KCNQ1: variants seen among roughly 807,000 people sequenced by gnomAD.
KCNQ1 encodes potassium voltage-gated channel subfamily Q member 1, also known as potassium voltage-gated channel subfamily KQT member 1.
Under a neutral mutation model 72.4 loss-of-function variants are expected in KCNQ1, and 49 were observed. The observed-to-expected ratio is 0.68, with a 90% confidence interval of 0.54 to 0.86. KCNQ1 has a LOEUF of 0.86. Ranked by LOEUF, KCNQ1 falls within the 40% of genes least tolerant of loss-of-function variation. KCNQ1 has a pLI of 0.00. For missense variants in KCNQ1, 790 were observed against 945.1 expected (o/e 0.84, Z 2.15); for synonymous variants, 450 against 412.6 (o/e 1.09, Z -1.10).
rs771508600 is a variant in KCNQ1, at chr11:2,827,002, G to A, written c.1795-20765G>A. On this transcript the variant is annotated intron_variant, in intron 15 of 15. Coordinates refer to ENST00000155840, the MANE Select transcript of KCNQ1 (RefSeq NM_000218.3). This position sits in a 1 kb window ranked among gnomAD's most constrained non-coding sequence, Gnocchi z 6.7. ...GGAGCAGTCCTCTAAGGAGTTTGGAGTCATTTTCAGTCACTCACAAGCCAC... is the reference window on the plus strand; with the variant it reads ...GGAGCAGTCCTCTAAGGAGTTTGGAATCATTTTCAGTCACTCACAAGCCAC... Among the ~76,000 whole-genome samples the A allele has an allele frequency of 6.6e-6, 1 of 152,182 alleles. No homozygotes were observed. Among genetic ancestry groups the A allele is most frequent in the African/African-American group, 2.4e-5 (1 of 41,436 alleles).
rs886429031 is a variant in KCNQ1 at position 2,803,413 on chromosome 11, C to T, written c.1794+25376C>T. ...GGTGTGTGTAGAATGATATTCCCTC[C>T]AGACCACGGTGCCTTCTGGGCTCTG... On this transcript the variant is annotated intron_variant, in intron 15 of 15. Coordinates refer to ENST00000155840, the MANE Select transcript of KCNQ1 (RefSeq NM_000218.3). The surrounding 1 kb of genome is among the most constrained non-coding windows in gnomAD (Gnocchi z 6.4). 6.6e-6 allele frequency among the ~76,000 whole-genome samples: 1 copy of T among 152,180 alleles called. No individual in the cohort carries two copies. The highest frequency in any genetic ancestry group is 2.4e-5 in the African/African-American group (1 of 41,434).
At chr11:2,732,944 C>G (rs575386946) in intron 11 of KCNQ1, among the ~76,000 whole-genome samples, 2 of 152,086 alleles carry the variant, frequency 1.3e-5, no homozygotes, top group African/African-American at 4.8e-5. Flanking sequence ...CCCAGAAACT[C>G]GAGGCTCCTG....
rs78483346 is a variant in KCNQ1, at chr11:2,569,417, G to A, written c.478-1211G>A. Among the ~76,000 whole-genome samples the A allele has an allele frequency of 8.8e-3, 1,342 of 152,340 alleles. 27 individuals carry two copies. The highest frequency in any genetic ancestry group is 0.03 in the African/African-American group (1,260 of 41,594). On this transcript the variant is annotated intron_variant, in intron 2 of 15. Transcript: ENST00000155840. ...ACATTTGGGAGCCAGCGATGGCAGTGTCCAGCTGACTGCTCATAGTGGACT... is the reference window on the plus strand; with the variant it reads ...ACATTTGGGAGCCAGCGATGGCAGTATCCAGCTGACTGCTCATAGTGGACT...
chr11:2,526,242 C>T lies in KCNQ1; in HGVS notation c.387-1686C>T, dbSNP rs965650970. Among the ~76,000 whole-genome samples the T allele has an allele frequency of 1.3e-5, 2 of 151,612 alleles. No homozygotes were observed. Among genetic ancestry groups the T allele is most frequent in the Non-Finnish European group, 2.9e-5 (2 of 67,852 alleles). The stretch of plus-strand genomic sequence containing the variant: ...GGCTGGGTGTGTGGGCTGGGGGCGC[C>T]GAGGGTGGAGGTGGGCACTGTGGTC... On this transcript the variant is annotated intron_variant, in intron 1 of 15. Transcript: ENST00000155840. The surrounding 1 kb of genome is among the most constrained non-coding windows in gnomAD (Gnocchi z 6.1).
chr11:2,638,879 A>G (rs1407870818), intron 10 of KCNQ1: 1 of 152,176 alleles, frequency 6.6e-6, no homozygotes, highest in African/African-American at 2.4e-5. Flanking sequence ...GTCTTTTCAC[A>G]TAGTCCCATA....
chr11:2,610,210 A>G, intron 10 of KCNQ1: 2 of 397,800 alleles, frequency 5.0e-6, no homozygotes, highest in East Asian at 7.2e-5. Context: ...TACCTTATGT[A>G]TCGTCTCAAA....
rs1371203707 is a variant in KCNQ1 at position 2,712,291 on chromosome 11, A to G, written c.1514+50210A>G. Among the ~76,000 whole-genome samples, 1 of 151,710 alleles carries G rather than the reference A, an allele frequency of 6.6e-6. No homozygotes were observed. Among genetic ancestry groups the G allele is most frequent in the Non-Finnish European group, 1.5e-5 (1 of 67,952 alleles). On this transcript the variant is annotated intron_variant, in intron 11 of 15. Coordinates refer to ENST00000155840, the MANE Select transcript of KCNQ1 (RefSeq NM_000218.3). The surrounding 1 kb of genome is among the most constrained non-coding windows in gnomAD (Gnocchi z 6.4). ...CGTGTGGGATGGACTGACACTGGTGACCCCTGCCTGGGGGAAGCAGACTCT... is the reference window on the plus strand; with the variant it reads ...CGTGTGGGATGGACTGACACTGGTGGCCCCTGCCTGGGGGAAGCAGACTCT...
In KCNQ1 at chr11:2,664,193, A is replaced by G. The variant is rs1850021324; in HGVS notation, c.1514+2112A>G. On this transcript the variant is annotated intron_variant, in intron 11 of 15. Transcript: ENST00000155840. This position sits in a 1 kb window ranked among gnomAD's most constrained non-coding sequence, Gnocchi z 5.1. ...GCTGCTAGATATGAGCCAGCCTGGG[A>G]AGGCAGGAAGGAGCCCAGGCATGGG... 1 of 398,640 alleles carries G rather than the reference A, an allele frequency of 2.5e-6. No homozygotes were observed. The highest frequency in any genetic ancestry group is 4.4e-5 in the Admixed American group (1 of 22,730). 24.7% of individuals were successfully genotyped at this position (398,640 alleles called of 1,614,324 possible).
At chr11:2,751,308 C>T (rs1230718852) in intron 11 of KCNQ1, among the ~76,000 whole-genome samples, 1 of 152,232 alleles carries the variant, frequency 6.6e-6, no homozygotes, top group African/African-American at 2.4e-5. Flanking sequence ...TCATCTCCCA[C>T]CCCCCACTTG....
At chr11:2,667,089 C>T (rs1164310534) in intron 11 of KCNQ1, 2 of 398,520 alleles carry the variant, frequency 5.0e-6, no homozygotes, top group South Asian at 2.5e-4. Context: ...AAATGTTCTT[C>T]TAATTAAATT....
rs1218985033 is a variant in KCNQ1 at position 2,782,142 on chromosome 11, T to A, written c.1794+4105T>A. On this transcript the variant is annotated intron_variant, in intron 15 of 15. Coordinates refer to ENST00000155840, the MANE Select transcript of KCNQ1 (RefSeq NM_000218.3). The surrounding 1 kb of genome is among the most constrained non-coding windows in gnomAD (Gnocchi z 6.1). ...CCCAAGGCTTTTTTGTCTTGGGCAGTTCCCCGAGCTGCACCCCCAGAGCCG... is the reference window on the plus strand; with the variant it reads ...CCCAAGGCTTTTTTGTCTTGGGCAGATCCCCGAGCTGCACCCCCAGAGCCG... Among the ~76,000 whole-genome samples the A allele has an allele frequency of 2.0e-5, 3 of 152,066 alleles. No homozygotes were observed. The highest frequency in any genetic ancestry group is 4.4e-5 in the Non-Finnish European group (3 of 68,016).
rs1176688920 is a variant in KCNQ1 at position 2,471,007 on chromosome 11, C to T, written c.386+25523C>T. On this transcript the variant is annotated intron_variant, in intron 1 of 15. Transcript: ENST00000155840. This position sits in a 1 kb window ranked among gnomAD's most constrained non-coding sequence, Gnocchi z 4.8. The stretch of plus-strand genomic sequence containing the variant: ...ATATTCCTTTTGAGTTAATGTCTGA[C>T]CAGCTGGGAGGTGTCGGTGGAGGCT... Among the ~76,000 whole-genome samples, 1 of 152,070 alleles carries T rather than the reference C, an allele frequency of 6.6e-6. No individual in the cohort carries two copies. Among genetic ancestry groups the T allele is most frequent in the African/African-American group, 2.4e-5 (1 of 41,406 alleles).
chr11:2,752,685 C>A lies in KCNQ1; in HGVS notation c.1515-16159C>A, dbSNP rs747928512. On this transcript the variant is annotated intron_variant, in intron 11 of 15. Coordinates refer to ENST00000155840, the MANE Select transcript of KCNQ1 (RefSeq NM_000218.3). The surrounding 1 kb of genome is among the most constrained non-coding windows in gnomAD (Gnocchi z 5.2). ...ACGCATCCTCTTCCTGAAGGCTCTG[C>A]CCTCACGGCCGAATCACCTCTCAAA... is the stretch of plus-strand genomic sequence containing the variant. Among the ~76,000 whole-genome samples the A allele has an allele frequency of 1.3e-5, 2 of 152,110 alleles. No homozygotes were observed. Among genetic ancestry groups the A allele is most frequent in the Non-Finnish European group, 2.9e-5 (2 of 68,034 alleles).
chr11:2,527,283 G>C (rs1242437809), intron 1 of KCNQ1, among the ~76,000 whole-genome samples: 1 of 152,156 alleles, frequency 6.6e-6, no homozygotes, highest in South Asian at 2.1e-4. Context: ...GGAAGCAGAC[G>C]CTTGGTGCAG....
At position 2,803,289 on chromosome 11, in the gene KCNQ1, G is replaced by A. The variant is rs1361605799; in HGVS notation, c.1794+25252G>A. 1.3e-5 allele frequency among the ~76,000 whole-genome samples: 2 copies of A among 152,208 alleles called. No homozygotes were observed. The highest frequency in any genetic ancestry group is 2.4e-5 in the African/African-American group (1 of 41,458). ...CCTAGTCAGGAAAAAATAGGGCCCC[G>A]GAGTCAGCAAGGGCTTCCTGGGGGC... On this transcript the variant is annotated intron_variant, in intron 15 of 15. Transcript: ENST00000155840. This position sits in a 1 kb window ranked among gnomAD's most constrained non-coding sequence, Gnocchi z 6.4.
At chr11:2,636,115 T>A (rs1194258782) in intron 10 of KCNQ1, 1 of 152,234 alleles carries the variant, frequency 6.6e-6, no homozygotes, top group African/African-American at 2.4e-5. Flanking sequence ...AAATATACAA[T>A]CATGTCATCT....
At chr11:2,520,571 G>C (rs977913670) in intron 1 of KCNQ1, among the ~76,000 whole-genome samples, 7 of 152,196 alleles carry the variant, frequency 4.6e-5, no homozygotes, top group Non-Finnish European at 1.0e-4. Flanking sequence ...TGCAGATTCA[G>C]CCCTGGGGAA....
rs1394618769 is a variant in KCNQ1, at chr11:2,652,725, C to T, written c.1394-9236C>T. The T allele has an allele frequency of 1.8e-5, 7 of 398,794 alleles. No homozygotes were observed. The highest frequency in any genetic ancestry group is 2.1e-5 in the African/African-American group (1 of 48,636). 24.7% of individuals were successfully genotyped at this position (398,794 alleles called of 1,614,324 possible). A position where few individuals can be genotyped will look rare whatever the true frequency, so the allele number is the denominator to read the frequency against. ...TCTTTCCGTTTCCTGGGCTCACTCA[C>T]GCTCAGGGTTGACCCTGTCCTGGCT... On this transcript the variant is annotated intron_variant, in intron 10 of 15. Coordinates refer to ENST00000155840, the MANE Select transcript of KCNQ1 (RefSeq NM_000218.3). This position sits in a 1 kb window ranked among gnomAD's most constrained non-coding sequence, Gnocchi z 5.9.
Position 2,626,148 on chromosome 11 carries a change from G to A in KCNQ1, c.1394-35813G>A. On this transcript the variant is annotated intron_variant, in intron 10 of 15. Coordinates refer to ENST00000155840, the MANE Select transcript of KCNQ1 (RefSeq NM_000218.3). The surrounding 1 kb of genome is among the most constrained non-coding windows in gnomAD (Gnocchi z 4.0). ...GCATACAAGAAGCACTGCCAATGAT[G>A]TAAAGTTTTTCCCCTATGTTTCCTT... is the stretch of plus-strand genomic sequence containing the variant. The A allele has an allele frequency of 2.5e-6, 1 of 397,726 alleles. No homozygotes were observed. Among genetic ancestry groups the A allele is most frequent in the African/African-American group, 2.1e-5 (1 of 47,944 alleles). 24.6% of individuals were successfully genotyped at this position (397,726 alleles called of 1,614,324 possible).
Sources: gnomAD v4.1 joint callset for allele counts (sites outside exome capture counted in the v4.1 genomes callset) on GRCh38, gnomAD v4.1.1 for gene constraint, Gnocchi (gnomAD v3.1) non-coding constraint, MANE v1.5 for transcripts, NCBI Gene and HGNC (gene_info 2026-07-23, HGNC 2026-07-21) for gene names.